IQCJ: variants seen among roughly 807,000 people sequenced by gnomAD.
The protein encoded by IQCJ is IQ motif containing J.
In IQCJ, 9 loss-of-function variants were observed where a neutral mutation model predicts 11.0. That is an observed-to-expected ratio of 0.82 (90% confidence interval 0.49 to 1.43). The LOEUF is 1.43. IQCJ is among the 40% of genes most tolerant of loss of function. The pLI is 0.00. For synonymous variants in IQCJ, 55 were observed against 51.3 expected, an observed-to-expected ratio of 1.07 and a Z score of -0.31; for missense variants, 146 against 133.2, an observed-to-expected ratio of 1.10 and a Z score of -0.47.
chr3:159,125,570 C>T (rs1042447056), intron 1 of IQCJ, among the ~76,000 whole-genome samples: 10 of 152,200 alleles, frequency 6.6e-5, no homozygotes, highest in Non-Finnish European at 1.3e-4. Flanking sequence ...CTCTGTACTA[C>T]GTTTGTATTT....
At chr3:159,115,761 AT>A (rs964254687) in intron 1 of IQCJ, among the ~76,000 whole-genome samples, 18 of 152,070 alleles carry the variant, frequency 1.2e-4, no homozygotes, top group Non-Finnish European at 2.2e-4. Context: ...CTCTAAAAAA[AT>A]GTTTTTTTTA....
chr3:159,248,185 A>G (rs949877275), intron 2 of IQCJ, among the ~76,000 whole-genome samples: 3 of 152,186 alleles, frequency 2.0e-5, no homozygotes, highest in African/African-American at 7.2e-5. Flanking sequence ...TGAGAGCATT[A>G]AATGAGACAG....
downstream of IQCJ, chr3:159,265,396 T>G: frequency 6.2e-7 from 1 of 1,612,276 alleles, no homozygotes; most frequent in Non-Finnish European, 8.5e-7. Context: ...TTTCTCACCC[T>G]CCAGTGAATG....
At chr3:159,146,000 G>C (rs891003708) in intron 1 of IQCJ, among the ~76,000 whole-genome samples, 2 of 152,174 alleles carry the variant, frequency 1.3e-5, no homozygotes, top group African/African-American at 2.4e-5. Flanking sequence ...TAGATTTGGG[G>C]AGAAAACTAA....
At position 159,135,486 on chromosome 3, in the gene IQCJ, G is replaced by T. The variant is rs536565013; in HGVS notation, c.9+66045G>T. 2.6e-5 allele frequency among the ~76,000 whole-genome samples: 4 copies of T among 152,276 alleles called. No individual in the cohort carries two copies. In the South Asian group the frequency reaches 8.3e-4, roughly 32 times the overall value. On this transcript the variant is annotated intron_variant, in intron 1 of 3. Coordinates refer to ENST00000397832, the MANE Select transcript of IQCJ (RefSeq NM_001042706.3). ...AGTTTATTGCTTATAGACACCTGAG[G>T]ATAAGGCAGATGTTCCTGGTCAGGC...
At chr3:159,086,929 CCCTGGCCAA>C (rs1716821931) in intron 1 of IQCJ, among the ~76,000 whole-genome samples, 1 of 152,102 alleles carries the variant, frequency 6.6e-6, no homozygotes, top group African/African-American at 2.4e-5. Flanking sequence ...TGCCTAATTG[CCCTGGCCAA>C]AACTTCCAAC....
At chr3:159,150,519 C>A (rs1470925352) in intron 1 of IQCJ, among the ~76,000 whole-genome samples, 1 of 151,922 alleles carries the variant, frequency 6.6e-6, no homozygotes, top group African/African-American at 2.4e-5. Context: ...CAGGCATAAA[C>A]TGGAGCAGTG....
intron 1 of IQCJ, among the ~76,000 whole-genome samples, chr3:159,152,285 T>C (rs551164312): frequency 6.6e-6 from 1 of 152,288 alleles, no homozygotes; most frequent in East Asian, 1.9e-4. Context: ...GGAGTTTCTT[T>C]TGTGCTTGGA....
At chr3:159,108,711 C>T in intron 1 of IQCJ, among the ~76,000 whole-genome samples, 1 of 152,204 alleles carries the variant, frequency 6.6e-6, no homozygotes, top group East Asian at 1.9e-4. Flanking sequence ...TCCCCCAAGA[C>T]TGGGCACAGC....
chr3:159,188,790 T>C (rs140792261), intron 1 of IQCJ, among the ~76,000 whole-genome samples: 5 of 152,324 alleles, frequency 3.3e-5, no homozygotes, highest in Admixed American at 6.5e-5. Flanking sequence ...GGGTTAACTT[T>C]ACCAAATCAA....
intron 1 of IQCJ, among the ~76,000 whole-genome samples, chr3:159,109,540 A>AAG (rs1286369626): frequency 6.6e-6 from 1 of 151,406 alleles, no homozygotes; most frequent in Non-Finnish European, 1.5e-5. Flanking sequence ...AAAAAAAAAA[A>AAG]AAAAAACCAG....
rs141980081 is a variant in IQCJ at position 159,198,704 on chromosome 3, A to C, written c.10-47139A>C. On this transcript the variant is annotated intron_variant, in intron 1 of 3. Coordinates refer to ENST00000397832, the MANE Select transcript of IQCJ (RefSeq NM_001042706.3). ...TGTCTTGGCTTCTTTTTGCTGTATT[A>C]GACAAGATAATCAAGCAAAAATTGG... Among the ~76,000 whole-genome samples, 88 of 152,314 alleles carry C rather than the reference A, an allele frequency of 5.8e-4. 1 individual carries two copies. In the South Asian group the frequency reaches 0.011, roughly 18 times the overall value.
chr3:159,122,039 G>T (rs1719409553), intron 1 of IQCJ, among the ~76,000 whole-genome samples: 1 of 152,184 alleles, frequency 6.6e-6, no homozygotes, highest in African/African-American at 2.4e-5. Context: ...GGAGTTCCAA[G>T]ATCAGGGTGC....
chr3:159,230,814 G>T (rs1726204238), intron 1 of IQCJ, among the ~76,000 whole-genome samples: 1 of 151,954 alleles, frequency 6.6e-6, no homozygotes, highest in African/African-American at 2.4e-5. Context: ...TCTTATCCAG[G>T]GTAGTGTTTG....
intron 1 of IQCJ, among the ~76,000 whole-genome samples, chr3:159,220,983 T>C (rs1319402937): frequency 6.6e-6 from 1 of 152,032 alleles, no homozygotes; most frequent in Non-Finnish European, 1.5e-5. Flanking sequence ...AACCTAACAT[T>C]ACAAGGGAAT....
At chr3:159,183,434 CCTTT>C (rs1723206199) in intron 1 of IQCJ, among the ~76,000 whole-genome samples, 1 of 152,072 alleles carries the variant, frequency 6.6e-6, no homozygotes, top group Admixed American at 6.6e-5. Flanking sequence ...CTGTTATGCT[CCTTT>C]CTGTCTATGT....
intron 1 of IQCJ, among the ~76,000 whole-genome samples, chr3:159,070,726 A>C (rs904407445): frequency 2.0e-5 from 3 of 152,112 alleles, no homozygotes; most frequent in Non-Finnish European, 4.4e-5. Flanking sequence ...TTGAACTAGT[A>C]GTTTTCTAAG....
At chr3:159,232,815 G>A (rs915536626) in intron 1 of IQCJ, among the ~76,000 whole-genome samples, 5 of 152,046 alleles carry the variant, frequency 3.3e-5, no homozygotes, top group African/African-American at 1.2e-4. Flanking sequence ...ATTGACAGTG[G>A]GGTGTTAAAG....
intron 1 of IQCJ, among the ~76,000 whole-genome samples, chr3:159,081,784 C>T (rs896185595): frequency 5.9e-5 from 9 of 152,008 alleles, no homozygotes; most frequent in African/African-American, 2.2e-4. Context: ...CCCAATATTC[C>T]CTGTCTATTA....
Sources: gnomAD v4.1 joint callset for allele counts (sites outside exome capture counted in the v4.1 genomes callset) on GRCh38, gnomAD v4.1.1 for gene constraint, MANE v1.5 for transcripts, NCBI Gene and HGNC (gene_info 2026-07-23, HGNC 2026-07-21) for gene names.